The following GLG1 variants were observed in gnomAD, a reference collection of about 807,000 sequenced individuals.
GLG1 encodes the protein Golgi apparatus protein 1.
In GLG1, 38 loss-of-function variants were observed where a neutral mutation model predicts 160.5. The ratio of observed to expected loss-of-function variants is 0.24; its 90% CI spans 0.18 to 0.31. GLG1 has a LOEUF of 0.31. GLG1 is among the 10% of genes least tolerant of loss of function. GLG1 has a pLI of 1.00. For synonymous variants in GLG1, 644 were observed against 543.4 expected (o/e 1.19, Z -2.57); for missense variants, 1,373 against 1,505.2 (o/e 0.91, Z 1.45).
At chr16:74,579,191 AAAC>A (rs1006796132) in intron 1 of GLG1, among the ~76,000 whole-genome samples, 2 of 152,094 alleles carry the variant, frequency 1.3e-5, no homozygotes, top group African/African-American at 4.8e-5. Flanking sequence ...TTAAAAATAC[AAAC>A]AACAACAACA....
chr16:74,497,163 C>T (rs973318678), intron 4 of GLG1, among the ~76,000 whole-genome samples: 6 of 151,968 alleles, frequency 3.9e-5, no homozygotes, highest in Non-Finnish European at 7.4e-5. Flanking sequence ...GTGGTGTGCG[C>T]CTGTAATCCC....
intron 8 of GLG1, among the ~76,000 whole-genome samples, chr16:74,489,771 G>GCA (rs140883729): frequency 2.8e-4 from 43 of 151,762 alleles, no homozygotes; most frequent in South Asian, 1.5e-3. Flanking sequence ...GCATGCGTGC[G>GCA]CACACACACA....
intron 5 of GLG1, among the ~76,000 whole-genome samples, chr16:74,495,284 T>A (rs1245011923): frequency 2.0e-5 from 3 of 152,070 alleles, no homozygotes; most frequent in African/African-American, 7.2e-5. Flanking sequence ...CAACTAATTT[T>A]TTTATTTTTA....
rs60453641 is a variant in GLG1, at chr16:74,540,057, T to TATATATATA, written c.439-7905_439-7904insTATATATAT. On this transcript the variant is annotated intron_variant, in intron 1 of 25. Coordinates refer to ENST00000422840, the MANE Select transcript of GLG1 (RefSeq NM_001145667.2). ...TATTTTATATATATATTATATATAT[T>TATATATATA]TTATATATATATATTATATATATTT... Among the ~76,000 whole-genome samples, 2 of 1,040 alleles carry TATATATATA rather than the reference T, an allele frequency of 1.9e-3. 1 individual carries two copies. The highest frequency in any genetic ancestry group is 5.2e-3 in the Non-Finnish European group (2 of 382). 0.7% of individuals were successfully genotyped at this position (1,040 alleles called of 152,430 possible).
intron 1 of GLG1, among the ~76,000 whole-genome samples, chr16:74,594,837 C>A (rs1958262956): frequency 1.3e-5 from 2 of 152,042 alleles, no homozygotes; most frequent in Non-Finnish European, 2.9e-5. Context: ...AGGGGTAAAT[C>A]CTCTGGGTAA....
At chr16:74,499,620 A>G (rs1315138042) in intron 4 of GLG1, among the ~76,000 whole-genome samples, 1 of 152,172 alleles carries the variant, frequency 6.6e-6, no homozygotes, top group Non-Finnish European at 1.5e-5. Context: ...GCCTAACAAC[A>G]CATTTCTCAG....
intron 1 of GLG1, among the ~76,000 whole-genome samples, chr16:74,584,071 G>A (rs1314857431): frequency 1.3e-5 from 2 of 152,008 alleles, no homozygotes; most frequent in Admixed American, 6.6e-5. Context: ...CTTTCTCAGC[G>A]CCTTCAATTT....
chr16:74,491,106 A>T lies in GLG1; in HGVS notation c.1344T>A (p.Ile448=). 6.2e-7 allele frequency: 1 copy of T among 1,614,076 alleles called. No individual in the cohort carries two copies. The highest frequency in any genetic ancestry group is 8.5e-7 in the Non-Finnish European group (1 of 1,179,924). Residue 448 remains isoleucine, a synonymous_variant, in exon 8 of 26, where the codon ATT becomes ATA. Coordinates refer to ENST00000422840, the MANE Select transcript of GLG1 (RefSeq NM_001145667.2). ...PEIILSCRGE[I]EHHCSGLHRK... ...GATGTAATCCGGAACAATGGTGTTCAATCTCCCCCCGACAGCTTAGGATGA... is the reference window on the plus strand; with the variant it reads ...GATGTAATCCGGAACAATGGTGTTCTATCTCCCCCCGACAGCTTAGGATGA...
intron 1 of GLG1, among the ~76,000 whole-genome samples, chr16:74,590,116 G>C (rs1050038604): frequency 2.6e-5 from 4 of 151,718 alleles, no homozygotes; most frequent in African/African-American, 9.7e-5. Flanking sequence ...TCCTGCCTCA[G>C]CCTTCCAAGT....
intron 1 of GLG1, among the ~76,000 whole-genome samples, chr16:74,540,353 TGTATAAAAAA>T (rs2017828397): frequency 6.6e-6 from 1 of 150,720 alleles, no homozygotes; most frequent in African/African-American, 2.4e-5. Context: ...TTTTCTACCG[TGTATAAAAAA>T]ATGTAAATTC....
intron 1 of GLG1, among the ~76,000 whole-genome samples, chr16:74,559,686 C>T (rs531322478): frequency 8.3e-4 from 122 of 146,970 alleles, no homozygotes; most frequent in African/African-American, 3.0e-3. Context: ...GCTTTTTCTT[C>T]ATTACTCATT....
Position 74,463,469 on chromosome 16 carries a change from G to A in GLG1, c.2678C>T (p.Pro893Leu), listed in dbSNP as rs746055540. The A allele has an allele frequency of 2.8e-5, 45 of 1,613,700 alleles. No homozygotes were observed. The highest frequency in any genetic ancestry group is 2.0e-4 in the Admixed American group (12 of 59,990). Residue 893 changes from proline to leucine, a missense_variant, in exon 20 of 26, where the codon CCG (proline) becomes CTG (leucine). Pro to Leu is a moderately conservative substitution (Grantham distance 98). Coordinates refer to ENST00000422840, the MANE Select transcript of GLG1 (RefSeq NM_001145667.2). ...VCKQMIKRFC[P>L]EADSKTMLQC... ...CAACATGGTTTTAGAATCTGCTTCC[G>A]GACAGAACCTCTGCAAAGAAACAGT...
At chr16:74,589,034 G>T (rs983806072) in intron 1 of GLG1, among the ~76,000 whole-genome samples, 1 of 151,706 alleles carries the variant, frequency 6.6e-6, no homozygotes, top group Non-Finnish European at 1.5e-5. Flanking sequence ...TTCAAGTCAG[G>T]AGTTCGAGAC....
Position 74,452,993 on chromosome 16 carries a change from G to C in GLG1, c.*174C>G, listed in dbSNP as rs1048223639. 2 of 1,336,344 alleles carry C rather than the reference G, an allele frequency of 1.5e-6. No individual in the cohort carries two copies. Among genetic ancestry groups the C allele is most frequent in the Non-Finnish European group, 1.9e-6 (2 of 1,043,098 alleles). The allele number at this position is 1,336,344 out of a possible 1,614,324, so 82.8% of individuals were successfully genotyped here. A position where few individuals can be genotyped will look rare whatever the true frequency, so the allele number is the denominator to read the frequency against. On this transcript the variant is annotated 3_prime_UTR_variant, in exon 26 of 26. Coordinates refer to ENST00000422840, the MANE Select transcript of GLG1 (RefSeq NM_001145667.2). ...TGCTGCTGCACGGTGAGGAGGAGGA[G>C]GACACCATGGACACGAGTGGAGGCT...
At chr16:74,468,247 T>C (rs2015072248) in intron 17 of GLG1, 1 of 131,020 alleles carries the variant, frequency 7.6e-6, no homozygotes, top group Admixed American at 7.6e-5. Context: ...TTTTTTTTTT[T>C]TTTTTTGGAG....
intron 11 of GLG1, among the ~76,000 whole-genome samples, chr16:74,478,217 C>T (rs2015461845): frequency 6.6e-6 from 1 of 151,970 alleles, no homozygotes; most frequent in Non-Finnish European, 1.5e-5. Context: ...TCTATGAACA[C>T]CAGGTAGAAG....
chr16:74,572,073 T>C (rs988526807), intron 1 of GLG1, among the ~76,000 whole-genome samples: 2 of 151,948 alleles, frequency 1.3e-5, no homozygotes, highest in Non-Finnish European at 2.9e-5. Flanking sequence ...TAATTTAGGA[T>C]GGGGCTAGTC....
intron 1 of GLG1, among the ~76,000 whole-genome samples, chr16:74,538,619 A>G (rs1434823297): frequency 1.3e-5 from 2 of 152,218 alleles, no homozygotes; most frequent in Non-Finnish European, 2.9e-5. Flanking sequence ...ATGCCTTCCA[A>G]CAATGTTCTG....
intron 13 of GLG1, among the ~76,000 whole-genome samples, chr16:74,473,869 G>A (rs1170857014): frequency 6.6e-6 from 1 of 152,122 alleles, no homozygotes; most frequent in Admixed American, 6.6e-5. Context: ...ATTACCAAAT[G>A]ACCTAACTAA....
Sources: allele counts gnomAD v4.1 joint callset (sites outside exome capture counted in the v4.1 genomes callset), GRCh38; gene constraint gnomAD v4.1.1; transcripts MANE v1.5; gene names NCBI Gene and HGNC (gene_info 2026-07-23, HGNC 2026-07-21).